The following ANKRD30BL variants were observed in gnomAD, a reference collection of about 807,000 sequenced individuals.
The protein encoded by ANKRD30BL is putative ankyrin repeat domain-containing protein 30B-like.
A neutral mutation model predicts 18.4 loss-of-function variants in ANKRD30BL; 20 were observed. That is an observed-to-expected ratio of 1.09 (90% CI 0.77 to 1.58). ANKRD30BL has a LOEUF of 1.58. Ranked by LOEUF, ANKRD30BL falls within the 40% of genes most tolerant of loss-of-function variation. The pLI, the probability that ANKRD30BL is intolerant of heterozygous loss-of-function variation, is 0.00. For missense variants in ANKRD30BL, 224 were observed against 268.6 expected, an observed-to-expected ratio of 0.83 and a Z score of 1.16; for synonymous variants, 72 against 100.9, an observed-to-expected ratio of 0.71 and a Z score of 1.72.
chr2:132,226,282 C>T (rs548373958), intron 1 of ANKRD30BL, among the ~76,000 whole-genome samples: 1 of 151,116 alleles, frequency 6.6e-6, no homozygotes, highest in South Asian at 2.1e-4. Context: ...AGGTTTGACA[C>T]ACTCTTTTTG....
At chr2:132,191,049 A>G (rs563942869) in intron 1 of ANKRD30BL, among the ~76,000 whole-genome samples, 21 of 152,322 alleles carry the variant, frequency 1.4e-4, no homozygotes. Context: ...GCTACCACCA[A>G]TGAAGATATT....
intron 1 of ANKRD30BL, among the ~76,000 whole-genome samples, chr2:132,253,878 CG>C (rs944613716): frequency 7.2e-5 from 11 of 152,094 alleles, no homozygotes; most frequent in Non-Finnish European, 1.2e-4. Flanking sequence ...GCAAGCGGGC[CG>C]GGCCGGGCCA....
At chr2:132,154,922 C>T in intron 3 of ANKRD30BL, 154 bp from the exon 4 acceptor site, 1 of 474,180 alleles carries the variant, frequency 2.1e-6, no homozygotes, top group South Asian at 4.1e-5. Context: ...CCATGCACTG[C>T]ACCTTCTCTT....
At chr2:132,164,579 C>T (rs1388157911), upstream of ANKRD30BL, among the ~76,000 whole-genome samples, 3 of 151,966 alleles carry the variant, frequency 2.0e-5, no homozygotes, top group Non-Finnish European at 4.4e-5. Context: ...ATGTGAGCCA[C>T]CACAGAAGGC....
chr2:132,224,411 T>C (rs1679785504), intron 1 of ANKRD30BL, among the ~76,000 whole-genome samples: 1 of 152,066 alleles, frequency 6.6e-6, no homozygotes, highest in Admixed American at 6.6e-5. Context: ...GAAACACTCT[T>C]TGTAGAATCT....
At chr2:132,192,538 A>G (rs556211851) in intron 1 of ANKRD30BL, among the ~76,000 whole-genome samples, 1 of 152,234 alleles carries the variant, frequency 6.6e-6, no homozygotes, top group East Asian at 1.9e-4. Flanking sequence ...GGAACCACCA[A>G]GTCATGACAC....
intron 1 of ANKRD30BL, among the ~76,000 whole-genome samples, chr2:132,241,011 A>T (rs1198215827): frequency 6.6e-6 from 1 of 151,884 alleles, no homozygotes; most frequent in South Asian, 2.1e-4. Context: ...ATCTTCACAT[A>T]AAAACTAGAC....
intron 1 of ANKRD30BL, among the ~76,000 whole-genome samples, chr2:132,169,998 A>G (rs1573813282): frequency 6.6e-6 from 1 of 152,326 alleles, no homozygotes; most frequent in South Asian, 2.1e-4. Context: ...TAATTTTATC[A>G]AAGCAAAAAA....
chr2:132,204,748 G>T (rs1250252616), intron 1 of ANKRD30BL, among the ~76,000 whole-genome samples: 1 of 152,054 alleles, frequency 6.6e-6, no homozygotes, highest in African/African-American at 2.4e-5. Context: ...AAATTTTCTT[G>T]GCCACTGGCT....
intron 1 of ANKRD30BL, among the ~76,000 whole-genome samples, chr2:132,170,885 G>T (rs1399831458): frequency 6.6e-6 from 1 of 152,110 alleles, no homozygotes; most frequent in Non-Finnish European, 1.5e-5. Context: ...AGGCCGAGCC[G>T]GTGGCTCACG....
At chr2:132,211,385 A>T (rs1173528223) in intron 1 of ANKRD30BL, among the ~76,000 whole-genome samples, 1 of 151,906 alleles carries the variant, frequency 6.6e-6, no homozygotes, top group South Asian at 2.1e-4. Flanking sequence ...CTGGTGGAAA[A>T]GGAAATATTT....
At position 132,211,484 on chromosome 2, in the gene ANKRD30BL, G is replaced by A. The variant is rs563049887; in HGVS notation, n.441+46045C>T. ...AGAGTTGAACCTTACCTTTGATTGAGCAGTTTTTAAACACTCTTTTTGTAG... is the reference window on the plus strand; with the variant it reads ...AGAGTTGAACCTTACCTTTGATTGAACAGTTTTTAAACACTCTTTTTGTAG... On this transcript the variant is annotated intron_variant and non_coding_transcript_variant, in intron 1 of 4. Transcript: ENST00000470729. Among the ~76,000 whole-genome samples, 7 of 152,164 alleles carry A rather than the reference G, an allele frequency of 4.6e-5. No individual in the cohort carries two copies. The East Asian group carries it at 5.8e-4, about 13-fold the overall frequency.
At chr2:132,198,342 T>TTTG (rs1449539566) in intron 1 of ANKRD30BL, among the ~76,000 whole-genome samples, 1 of 113,246 alleles carries the variant, frequency 8.8e-6, no homozygotes, top group African/African-American at 4.7e-5. Context: ...TTTTTTTTTT[T>TTTG]AGACAGAGTC....
chr2:132,192,019 GA>G (rs1274484980), intron 1 of ANKRD30BL, among the ~76,000 whole-genome samples: 1 of 152,212 alleles, frequency 6.6e-6, no homozygotes, highest in African/African-American at 2.4e-5. Flanking sequence ...GCTGGAAATA[GA>G]GGTGGAGTTT....
At chr2:132,226,546 C>T (rs565573685) in intron 1 of ANKRD30BL, among the ~76,000 whole-genome samples, 85 of 151,814 alleles carry the variant, frequency 5.6e-4, no homozygotes, top group African/African-American at 2.1e-3. Context: ...TAGACAGAAC[C>T]AATGTGAGAA....
chr2:132,220,910 A>G (rs1487782079), intron 1 of ANKRD30BL, among the ~76,000 whole-genome samples: 2 of 147,308 alleles, frequency 1.4e-5, no homozygotes, highest in Non-Finnish European at 3.0e-5. Flanking sequence ...CCCATCTAGG[A>G]AGCGAGGAGC....
intron 1 of ANKRD30BL, among the ~76,000 whole-genome samples, chr2:132,191,144 C>T (rs1678842119): frequency 1.3e-5 from 2 of 152,218 alleles, no homozygotes; most frequent in African/African-American, 4.8e-5. Context: ...CAACCTACCA[C>T]TATAAATTCA....
intron 1 of ANKRD30BL, among the ~76,000 whole-genome samples, chr2:132,180,215 G>A (rs1251121775): frequency 8.8e-6 from 1 of 113,232 alleles, no homozygotes; most frequent in Non-Finnish European, 1.7e-5. Context: ...CTCTACAAGT[G>A]TACCCTTTTT....
intron 1 of ANKRD30BL, among the ~76,000 whole-genome samples, chr2:132,234,984 C>A (rs552465116): frequency 6.6e-6 from 1 of 152,106 alleles, no homozygotes; most frequent in Non-Finnish European, 1.5e-5. Flanking sequence ...AAAGCTTATC[C>A]ACCATGATCA....
Sources: allele counts gnomAD v4.1 joint callset (sites outside exome capture counted in the v4.1 genomes callset), GRCh38; gene constraint gnomAD v4.1.1; transcripts MANE v1.5; gene names NCBI Gene and HGNC (gene_info 2026-07-23, HGNC 2026-07-21).